Variants in ACOXL observed in about 807,000 individuals in gnomAD.
ACOXL encodes the protein acyl-CoA oxidase like.
ACOXL carries 70 observed loss-of-function variants against 71.9 expected under a neutral mutation model. The ratio of observed to expected loss-of-function variants is 0.97; its 90% CI spans 0.80 to 1.19. ACOXL has a LOEUF of 1.19. Among genes scored for constraint, ACOXL ranks in the 50% most tolerant of loss-of-function variants. The pLI is 0.00. For synonymous variants in ACOXL, 253 were observed against 281.6 expected (o/e 0.90, Z 1.02); for missense variants, 703 against 736.3 (o/e 0.95, Z 0.52).
chr2:111,046,389 G>C (rs1235110668), intron 15 of ACOXL, among the ~76,000 whole-genome samples: 1 of 152,108 alleles, frequency 6.6e-6, no homozygotes, highest in Non-Finnish European at 1.5e-5. Context: ...GGAGAAGGGT[G>C]GTATATTAGT....
intron 14 of ACOXL, among the ~76,000 whole-genome samples, chr2:111,023,885 G>C (rs2064892610): frequency 6.6e-6 from 1 of 152,086 alleles, no homozygotes; most frequent in African/African-American, 2.4e-5. Flanking sequence ...GTGGAAGGTG[G>C]GTGGCTGGGC....
At chr2:110,992,340 T>G (rs2063207406) in intron 13 of ACOXL, among the ~76,000 whole-genome samples, 1 of 152,208 alleles carries the variant, frequency 6.6e-6, no homozygotes, top group Non-Finnish European at 1.5e-5. Context: ...GCCTTTGTCA[T>G]CAAAGTGTTT....
At chr2:110,880,212 G>C (rs547847612) in intron 10 of ACOXL, among the ~76,000 whole-genome samples, 2 of 148,536 alleles carry the variant, frequency 1.3e-5, no homozygotes, top group South Asian at 2.1e-4. Flanking sequence ...TGTTGTAAAA[G>C]ATACAAGAAA....
intron 3 of ACOXL, among the ~76,000 whole-genome samples, chr2:110,792,040 G>C (rs1315496130): frequency 1.3e-5 from 2 of 152,144 alleles, no homozygotes; most frequent in Admixed American, 6.5e-5. Flanking sequence ...CATCCCTCCA[G>C]ATTTCATAGC....
chr2:110,834,773 T>C (rs1001906735), intron 9 of ACOXL, among the ~76,000 whole-genome samples: 1 of 152,216 alleles, frequency 6.6e-6, no homozygotes, highest in African/African-American at 2.4e-5. Flanking sequence ...AGTCCCCAGC[T>C]TATGGGACTC....
intron 12 of ACOXL, among the ~76,000 whole-genome samples, chr2:110,964,999 T>G (rs893573795): frequency 8.5e-5 from 13 of 152,170 alleles, no homozygotes; most frequent in African/African-American, 2.7e-4. Flanking sequence ...TTTCCCAGCC[T>G]CTGGTATCTA....
intron 1 of ACOXL, among the ~76,000 whole-genome samples, chr2:110,743,132 A>G (rs1677753494): frequency 6.6e-6 from 1 of 152,194 alleles, no homozygotes; most frequent in Non-Finnish European, 1.5e-5. Context: ...TATTCTGGAC[A>G]TTTCATATAA....
chr2:110,892,701 A>G (rs967672476), intron 10 of ACOXL, among the ~76,000 whole-genome samples: 1 of 152,194 alleles, frequency 6.6e-6, no homozygotes, highest in Non-Finnish European at 1.5e-5. Context: ...AAAGATGAAA[A>G]AGGGATGCCT....
chr2:110,850,513 C>T (rs943745875), intron 10 of ACOXL, among the ~76,000 whole-genome samples: 9 of 152,166 alleles, frequency 5.9e-5, no homozygotes, highest in Non-Finnish European at 8.8e-5. Flanking sequence ...TGAAGGGATG[C>T]TCACCCTCAT....
At chr2:110,980,214 C>T (rs1229997490) in intron 12 of ACOXL, among the ~76,000 whole-genome samples, 2 of 152,234 alleles carry the variant, frequency 1.3e-5, no homozygotes, top group African/African-American at 2.4e-5. Flanking sequence ...ACAGTTACTC[C>T]TGTAGAGCAC....
At chr2:111,044,677 TC>T (rs1437361713) in intron 15 of ACOXL, among the ~76,000 whole-genome samples, 1 of 152,170 alleles carries the variant, frequency 6.6e-6, no homozygotes, top group Non-Finnish European at 1.5e-5. Context: ...TGTTTTGTCT[TC>T]CCCCTTATTC....
chr2:111,097,845 C>T (rs746539731), intron 17 of ACOXL, among the ~76,000 whole-genome samples: 1 of 152,246 alleles, frequency 6.6e-6, no homozygotes, highest in Non-Finnish European at 1.5e-5. Flanking sequence ...AAAGACACAT[C>T]TTCCTTGCAG....
chr2:110,962,745 A>T (rs917579745), intron 12 of ACOXL, among the ~76,000 whole-genome samples: 1 of 152,186 alleles, frequency 6.6e-6, no homozygotes, highest in Non-Finnish European at 1.5e-5. Context: ...TCAGAGCAAA[A>T]CTTGTCATTC....
intron 17 of ACOXL, chr2:111,099,120 T>C (rs931921606): frequency 2.0e-5 from 3 of 152,212 alleles, no homozygotes; most frequent in African/African-American, 7.2e-5. Flanking sequence ...TGGCACACTC[T>C]AGGGCACTAG....
intron 1 of ACOXL, among the ~76,000 whole-genome samples, chr2:110,748,008 C>T (rs911795406): frequency 1.3e-5 from 2 of 152,176 alleles, no homozygotes; most frequent in Non-Finnish European, 2.9e-5. Flanking sequence ...ACAGTAAGTA[C>T]AGGTAGTTGC....
intron 10 of ACOXL, among the ~76,000 whole-genome samples, chr2:110,853,225 G>T (rs370602968): frequency 5.3e-5 from 8 of 152,286 alleles, no homozygotes; most frequent in African/African-American, 1.4e-4. Flanking sequence ...ACTTGGGGAG[G>T]TTACTACTGA....
intron 15 of ACOXL, among the ~76,000 whole-genome samples, chr2:111,048,851 A>G (rs1427873552): frequency 1.3e-5 from 2 of 152,102 alleles, no homozygotes; most frequent in Non-Finnish European, 2.9e-5. Context: ...AGCACTGTCA[A>G]ATTTACAAAG....
chr2:110,990,785 G>A (rs1239629944), intron 13 of ACOXL, among the ~76,000 whole-genome samples: 1 of 152,102 alleles, frequency 6.6e-6, no homozygotes, highest in Non-Finnish European at 1.5e-5. Flanking sequence ...CATTTTGTTA[G>A]TTTGGTGAAT....
At position 110,995,917 on chromosome 2, in the gene ACOXL, A is replaced by G. The variant is rs1292653381; in HGVS notation, c.1194A>G (p.Thr398=). ...RTSFLAFNMD[T]VDDLAFLLKA... is the part of the protein sequence containing the mutation. ...GTTTCCTGGCATTTAACATGGACAC[A>G]GTTGATGATCTCGCCTTTCTGTTGA... Residue 398 remains threonine (T), a synonymous_variant, in exon 14 of 18, where the codon ACA becomes ACG. Transcript: ENST00000439055. The G allele has an allele frequency of 6.2e-7, 1 of 1,614,132 alleles. No individual in the cohort carries two copies. Among genetic ancestry groups the G allele is most frequent in the Admixed American group, 1.7e-5 (1 of 60,026 alleles).
Sources: gnomAD v4.1 joint callset for allele counts (sites outside exome capture counted in the v4.1 genomes callset) on GRCh38, gnomAD v4.1.1 for gene constraint, MANE v1.5 for transcripts, NCBI Gene and HGNC (gene_info 2026-07-23, HGNC 2026-07-21) for gene names.